Variants in ARHGAP10 observed in about 807,000 individuals in gnomAD.
ARHGAP10 encodes the protein rho GTPase-activating protein 10.
Under a neutral mutation model 108.6 loss-of-function variants are expected in ARHGAP10, and 87 were observed. The observed-to-expected ratio is 0.80, with a 90% CI of 0.67 to 0.96. The LOEUF is 0.96. Among genes scored for constraint, ARHGAP10 ranks in the 40% least tolerant of loss-of-function variants. The pLI is 0.00. For synonymous variants in ARHGAP10, 347 were observed against 341.1 expected, an observed-to-expected ratio of 1.02 and a Z score of -0.19; for missense variants, 939 against 954.5, an observed-to-expected ratio of 0.98 and a Z score of 0.21.
intron 1 of ARHGAP10, among the ~76,000 whole-genome samples, chr4:147,742,476 CTTTTTTTTTTTT>C (rs11420720): frequency 1.2e-5 from 1 of 86,494 alleles, no homozygotes; most frequent in Admixed American, 1.9e-4. Context: ...TCTGTGAACA[CTTTTTTTTTTTT>C]TTTTTTTTTT....
intron 19 of ARHGAP10, among the ~76,000 whole-genome samples, chr4:148,032,303 A>G (rs1352668000): frequency 7.5e-6 from 1 of 132,844 alleles, no homozygotes; most frequent in African/African-American, 2.8e-5. Context: ...GTAAAAAATT[A>G]TCTAATATTG....
At chr4:147,745,082 A>G (rs917841164) in intron 1 of ARHGAP10, among the ~76,000 whole-genome samples, 10 of 152,100 alleles carry the variant, frequency 6.6e-5, no homozygotes, top group Non-Finnish European at 1.0e-4. Context: ...CCAAGGAGAA[A>G]GAGTGTTCAG....
intron 18 of ARHGAP10, among the ~76,000 whole-genome samples, chr4:147,981,632 G>A (rs889021175): frequency 2.0e-5 from 3 of 152,172 alleles, no homozygotes; most frequent in African/African-American, 2.4e-5. Context: ...TCTGTGATGT[G>A]TCTAATGCCA....
intron 4 of ARHGAP10, among the ~76,000 whole-genome samples, chr4:147,855,382 G>T (rs1002543624): frequency 3.0e-4 from 45 of 152,054 alleles, no homozygotes; most frequent in African/African-American, 6.8e-4. Context: ...TAAAATAGTG[G>T]AAGAGCATAA....
chr4:147,912,105 T>C (rs1219272134), intron 12 of ARHGAP10, among the ~76,000 whole-genome samples: 2 of 151,928 alleles, frequency 1.3e-5, no homozygotes, highest in Non-Finnish European at 2.9e-5. Context: ...TGTGTCTAGA[T>C]AGCTTCCCTT....
At chr4:147,757,049 C>T (rs573413404) in intron 1 of ARHGAP10, among the ~76,000 whole-genome samples, 292 of 151,746 alleles carry the variant, frequency 1.9e-3, no homozygotes, top group Non-Finnish European at 3.5e-3. Context: ...TGAATGATGC[C>T]AGAGGGAACC....
chr4:147,956,378 C>G (rs1320826131), intron 16 of ARHGAP10, among the ~76,000 whole-genome samples: 1 of 152,046 alleles, frequency 6.6e-6, no homozygotes, highest in Admixed American at 6.6e-5. Context: ...TCCTGTGTTG[C>G]AGGAAGGAGG....
At position 148,072,170 on chromosome 4, in the gene ARHGAP10, GC is replaced by G; in HGVS notation, c.*90del. On this transcript the variant is annotated 3_prime_UTR_variant, in exon 23 of 23. Coordinates refer to ENST00000336498, the MANE Select transcript of ARHGAP10 (RefSeq NM_024605.4). ...TCTTCCTCCTCCGAGGCTCTGGGCTGCACCCACAGGTACCTCCACACTTGGG... is the reference window on the plus strand; with the variant it reads ...TCTTCCTCCTCCGAGGCTCTGGGCTGACCCACAGGTACCTCCACACTTGGG... 9.0e-7 allele frequency: 1 copy of G among 1,109,620 alleles called. No individual in the cohort carries two copies. The highest frequency in any genetic ancestry group is 1.3e-6 in the Non-Finnish European group (1 of 797,760). 68.7% of individuals were successfully genotyped at this position (1,109,620 alleles called of 1,614,324 possible).
At chr4:148,010,399 T>G (rs892487268) in intron 18 of ARHGAP10, among the ~76,000 whole-genome samples, 1 of 152,212 alleles carries the variant, frequency 6.6e-6, no homozygotes, top group African/African-American at 2.4e-5. Context: ...ATTGGTTTTT[T>G]CATCTATATC....
intron 18 of ARHGAP10, among the ~76,000 whole-genome samples, chr4:148,018,888 CTTTG>C (rs1468687634): frequency 1.3e-5 from 2 of 152,146 alleles, no homozygotes; most frequent in Non-Finnish European, 2.9e-5. Context: ...AATTTTTGAG[CTTTG>C]TTTATTTGTA....
chr4:147,804,109 C>T (rs1247263189), intron 1 of ARHGAP10, among the ~76,000 whole-genome samples: 2 of 151,470 alleles, frequency 1.3e-5, no homozygotes, highest in African/African-American at 4.9e-5. Flanking sequence ...AGGTAATAAG[C>T]ATGGTACCCA....
chr4:147,974,948 C>T (rs1739536497), intron 18 of ARHGAP10, among the ~76,000 whole-genome samples: 1 of 152,108 alleles, frequency 6.6e-6, no homozygotes, highest in Admixed American at 6.5e-5. Context: ...AGACCCACCC[C>T]CATGATTCAA....
chr4:147,839,396 G>T (rs143897889), intron 3 of ARHGAP10, among the ~76,000 whole-genome samples: 7 of 152,218 alleles, frequency 4.6e-5, no homozygotes, highest in Non-Finnish European at 8.8e-5. Flanking sequence ...TGGAATCCAG[G>T]CTTAAAATAA....
chr4:147,949,408 A>G (rs1020169513), intron 15 of ARHGAP10, among the ~76,000 whole-genome samples: 5 of 152,204 alleles, frequency 3.3e-5, no homozygotes, highest in Non-Finnish European at 7.3e-5. Flanking sequence ...AGAAATTAGA[A>G]CAGTGTTTCT....
intron 8 of ARHGAP10, among the ~76,000 whole-genome samples, chr4:147,877,818 AC>A (rs1274443434): frequency 2.9e-5 from 3 of 103,752 alleles, no homozygotes; most frequent in Non-Finnish European, 5.1e-5. Context: ...TATTCTTCAT[AC>A]TTTTTTTTTT....
intron 1 of ARHGAP10, among the ~76,000 whole-genome samples, chr4:147,782,855 A>G (rs980224424): frequency 6.9e-6 from 1 of 145,754 alleles, no homozygotes; most frequent in Non-Finnish European, 1.5e-5. Context: ...AAAAATTTTC[A>G]TATATATATA....
chr4:147,835,621 G>A (rs920813536), intron 3 of ARHGAP10, among the ~76,000 whole-genome samples: 1 of 151,988 alleles, frequency 6.6e-6, no homozygotes, highest in Admixed American at 6.6e-5. Flanking sequence ...TGATCTGCCC[G>A]CCTTGGCCTC....
chr4:147,957,834 C>A (rs1738846185), intron 16 of ARHGAP10, among the ~76,000 whole-genome samples: 1 of 152,076 alleles, frequency 6.6e-6, no homozygotes, highest in African/African-American at 2.4e-5. Context: ...TCTATTTTGT[C>A]ACCACAAAAG....
chr4:148,067,802 C>T (rs989378852), intron 22 of ARHGAP10, among the ~76,000 whole-genome samples: 3 of 152,174 alleles, frequency 2.0e-5, no homozygotes, highest in Admixed American at 2.0e-4. Flanking sequence ...TATCCTGACC[C>T]AGAGTGTGGT....
Sources: gnomAD v4.1 joint callset for allele counts (sites outside exome capture counted in the v4.1 genomes callset) on GRCh38, gnomAD v4.1.1 for gene constraint, MANE v1.5 for transcripts, NCBI Gene and HGNC (gene_info 2026-07-23, HGNC 2026-07-21) for gene names.